Variants in LRRC4C observed in about 807,000 individuals in gnomAD.
The protein encoded by LRRC4C is leucine rich repeat containing 4C.
A neutral mutation model predicts 33.6 loss-of-function variants in LRRC4C; 5 were observed. The observed-to-expected ratio is 0.15, with a 90% CI of 0.08 to 0.31. The LOEUF (loss-of-function observed/expected upper bound fraction) is 0.31, where lower values mean the gene tolerates loss of function less well. Ranked by LOEUF, LRRC4C falls within the 10% of genes least tolerant of loss-of-function variation. LRRC4C has a pLI of 1.00. For missense variants in LRRC4C, 560 were observed against 796.7 expected (o/e 0.70, Z 3.58); for synonymous variants, 329 against 302.0 (o/e 1.09, Z -0.93).
At chr11:40,455,252 T>C (rs1168447766) in intron 3 of LRRC4C, among the ~76,000 whole-genome samples, 2 of 152,216 alleles carry the variant, frequency 1.3e-5, no homozygotes, top group Non-Finnish European at 2.9e-5. Flanking sequence ...GCATGGCTAC[T>C]GCCTTTGTAC....
intron 1 of LRRC4C, among the ~76,000 whole-genome samples, chr11:41,114,044 A>G (rs568255131): frequency 1.3e-5 from 2 of 152,140 alleles, no homozygotes; most frequent in African/African-American, 2.4e-5. Flanking sequence ...AGCTTCACAA[A>G]CTGCTAATGT....
chr11:41,093,704 T>C (rs550714317), intron 1 of LRRC4C, among the ~76,000 whole-genome samples: 2 of 152,128 alleles, frequency 1.3e-5, no homozygotes, highest in African/African-American at 4.8e-5. Context: ...TCTGGAAACA[T>C]TATGGCCATT....
At chr11:41,399,099 A>G (rs1953931763) in intron 1 of LRRC4C, among the ~76,000 whole-genome samples, 2 of 151,992 alleles carry the variant, frequency 1.3e-5, no homozygotes, top group Admixed American at 1.3e-4. Context: ...TTAAACTGCC[A>G]TCACTAGTTT....
At chr11:41,331,143 A>G (rs890191532) in intron 1 of LRRC4C, among the ~76,000 whole-genome samples, 1 of 152,090 alleles carries the variant, frequency 6.6e-6, no homozygotes, top group Admixed American at 6.5e-5. Context: ...GAAAAAATAA[A>G]CAAACACAAA....
intron 1 of LRRC4C, among the ~76,000 whole-genome samples, chr11:41,410,654 A>G (rs2138210383): frequency 6.6e-6 from 1 of 151,976 alleles, no homozygotes; most frequent in African/African-American, 2.4e-5. Flanking sequence ...GTTAGCCAGG[A>G]TGGTCTCCAT....
At chr11:41,012,196 T>G (rs115129777) in intron 1 of LRRC4C, among the ~76,000 whole-genome samples, 116 of 152,236 alleles carry the variant, frequency 7.6e-4, no homozygotes, top group African/African-American at 2.8e-3. Flanking sequence ...GATCAAACTC[T>G]ATAGCTATAC....
intron 2 of LRRC4C, among the ~76,000 whole-genome samples, chr11:40,654,346 C>A (rs1487838408): frequency 6.6e-6 from 1 of 152,192 alleles, no homozygotes; most frequent in Non-Finnish European, 1.5e-5. Flanking sequence ...CTGCTATTCC[C>A]TGCAAAGCCA....
intron 1 of LRRC4C, among the ~76,000 whole-genome samples, chr11:41,295,014 G>T (rs979820813): frequency 6.6e-6 from 1 of 152,010 alleles, no homozygotes; most frequent in Non-Finnish European, 1.5e-5. Context: ...ACTTACACAC[G>T]GTTGTTATTG....
At chr11:40,383,807 C>T (rs1948990365) in intron 3 of LRRC4C, among the ~76,000 whole-genome samples, 1 of 151,820 alleles carries the variant, frequency 6.6e-6, no homozygotes, top group Admixed American at 6.6e-5. Flanking sequence ...ACCTCAGCCT[C>T]TCTAGTAGCT....
At chr11:40,552,135 C>A (rs907322108) in intron 3 of LRRC4C, among the ~76,000 whole-genome samples, 4 of 152,224 alleles carry the variant, frequency 2.6e-5, no homozygotes, top group African/African-American at 9.6e-5. Context: ...TCTCAGTCCC[C>A]ACAAACACAT....
chr11:40,650,940 A>G (rs1001525328), intron 2 of LRRC4C, among the ~76,000 whole-genome samples: 1 of 152,160 alleles, frequency 6.6e-6, no homozygotes, highest in Admixed American at 6.5e-5. Context: ...CATTTGAAAC[A>G]TCCCTAAACT....
rs1555008817 is a variant in LRRC4C, at chr11:40,936,065, T to TATATATATATAA, written c.-495-2343_-495-2342insTTATATATATAT. Among the ~76,000 whole-genome samples the TATATATATATAA allele has an allele frequency of 2.0e-3, 154 of 75,814 alleles. 21 individuals carry two copies. The highest frequency in any genetic ancestry group is 3.4e-3 in the Non-Finnish European group (124 of 36,118). 49.7% of individuals were successfully genotyped at this position (75,814 alleles called of 152,430 possible). On this transcript the variant is annotated intron_variant, in intron 1 of 6. Coordinates refer to ENST00000528697, the MANE Select transcript of LRRC4C (RefSeq NM_001258419.2). Reference sequence around the variant, plus strand: ...ATATATATATATATATATATATATATAACATAGTTTGAACCTTAACTCTGT... The same window carrying TATATATATATAA: ...ATATATATATATATATATATATATATATATATATATAAAACATAGTTTGAACCTTAACTCTGT...
chr11:41,381,216 A>G (rs1032324225), intron 1 of LRRC4C, among the ~76,000 whole-genome samples: 4 of 152,178 alleles, frequency 2.6e-5, no homozygotes, highest in Admixed American at 6.5e-5. Context: ...AAAAAACACC[A>G]AAGTGGGGGG....
chr11:41,184,850 A>T (rs1333770034), intron 1 of LRRC4C, among the ~76,000 whole-genome samples: 4 of 150,572 alleles, frequency 2.7e-5, no homozygotes, highest in Non-Finnish European at 5.9e-5. Flanking sequence ...ATGGACTTAC[A>T]GTTCCACATG....
intron 3 of LRRC4C, among the ~76,000 whole-genome samples, chr11:40,322,030 C>T (rs994961488): frequency 1.3e-5 from 2 of 151,958 alleles, no homozygotes; most frequent in Non-Finnish European, 2.9e-5. Flanking sequence ...TTGATTAGAA[C>T]AAAGTGAATC....
chr11:40,192,582 C>T (rs1861935190), intron 5 of LRRC4C, among the ~76,000 whole-genome samples: 1 of 152,132 alleles, frequency 6.6e-6, no homozygotes, highest in Non-Finnish European at 1.5e-5. Flanking sequence ...CCAGTGGCAC[C>T]TGGAACACCA....
At chr11:40,723,362 G>A (rs1947124216) in intron 2 of LRRC4C, among the ~76,000 whole-genome samples, 1 of 151,848 alleles carries the variant, frequency 6.6e-6, no homozygotes, top group African/African-American at 2.4e-5. Flanking sequence ...CTAGAGAAAA[G>A]CATCATATCA....
rs1311652996 is a variant in LRRC4C at position 40,591,210 on chromosome 11, C to T, written c.-270+56932G>A. ...CCATTTTTTAAGCCCGTCGGAAAAGCGCAGTATTCGGGTGGGAGCGACCCG... is the reference window on the plus strand; with the variant it reads ...CCATTTTTTAAGCCCGTCGGAAAAGTGCAGTATTCGGGTGGGAGCGACCCG... On this transcript the variant is annotated intron_variant, in intron 3 of 6. Coordinates refer to ENST00000528697, the MANE Select transcript of LRRC4C (RefSeq NM_001258419.2). 3.3e-5 allele frequency among the ~76,000 whole-genome samples: 5 copies of T among 152,252 alleles called. No individual in the cohort carries two copies. The South Asian group carries it at 6.2e-4, about 19-fold the overall frequency.
In LRRC4C at chr11:40,935,555, A is replaced by G. The variant is rs1278152038; in HGVS notation, c.-495-1832T>C. 2.6e-5 allele frequency among the ~76,000 whole-genome samples: 4 copies of G among 152,252 alleles called. No individual in the cohort carries two copies. In the East Asian group the frequency reaches 7.8e-4, roughly 30 times the overall value. On this transcript the variant is annotated intron_variant, in intron 1 of 6. Transcript: ENST00000528697. ...GCATTGTGTTATAACTTCCTATAAT[A>G]TTTCAGTACAGTAACATGGTGTACA...
Sources: gnomAD v4.1 joint callset for allele counts (sites outside exome capture counted in the v4.1 genomes callset) on GRCh38, gnomAD v4.1.1 for gene constraint, MANE v1.5 for transcripts, NCBI Gene and HGNC (gene_info 2026-07-23, HGNC 2026-07-21) for gene names.